The following ANKEF1 variants were observed in gnomAD, a reference collection of about 807,000 sequenced individuals.
ANKEF1 encodes the protein ankyrin repeat and EF-hand domain-containing protein 1.
Under a neutral mutation model 65.1 loss-of-function variants are expected in ANKEF1, and 43 were observed. The ratio of observed to expected loss-of-function variants is 0.66; its 90% CI spans 0.52 to 0.85. The LOEUF (loss-of-function observed/expected upper bound fraction) is 0.85, where lower values mean the gene tolerates loss of function less well. Among genes scored for constraint, ANKEF1 ranks in the 40% least tolerant of loss-of-function variants. The pLI is 0.00. For missense variants in ANKEF1, 934 were observed against 952.9 expected (o/e 0.98, Z 0.26); for synonymous variants, 316 against 341.5 (o/e 0.93, Z 0.82).
In ANKEF1 at chr20:10,057,525, T is replaced by C. The variant is rs1227044412; in HGVS notation, c.*1865T>C. ...ACTTACCACATTTGCTCTATCTCTT[T>C]CTCCCTCTACATATATGCATATGTA... On this transcript the variant is annotated 3_prime_UTR_variant, in exon 11 of 11. Transcript: ENST00000378392. The C allele has an allele frequency of 1.3e-5, 2 of 152,226 alleles. No homozygotes were observed. The highest frequency in any genetic ancestry group is 2.9e-5 in the Non-Finnish European group (2 of 68,044). The allele number at this position is 152,226 out of a possible 1,614,324, so 9.4% of individuals were successfully genotyped here.
intron 4 of ANKEF1, 40 bp downstream of exon 4, chr20:10,043,361 A>G (rs1984312040): frequency 6.4e-7 from 1 of 1,557,290 alleles, no homozygotes; most frequent in Non-Finnish European, 8.8e-7. Flanking sequence ...TCTTGTTTCA[A>G]TTACAGCATA....
chr20:10,046,801 A>C (rs1363295840), intron 6 of ANKEF1, among the ~76,000 whole-genome samples: 1 of 152,228 alleles, frequency 6.6e-6, no homozygotes, highest in African/African-American at 2.4e-5. Flanking sequence ...CAGACACAAA[A>C]TTTTAGAAGT....
Position 10,038,379 on chromosome 20 carries a change from G to A in ANKEF1, c.78G>A (p.Lys26=). The A allele has an allele frequency of 2.5e-6, 4 of 1,613,648 alleles. No individual in the cohort carries two copies. The highest frequency in any genetic ancestry group is 3.4e-6 in the Non-Finnish European group (4 of 1,179,614). The change falls in exon 3 of 11, where the codon AAG becomes AAA. Residue 26 remains lysine (K), a synonymous_variant. Coordinates refer to ENST00000378392, the MANE Select transcript of ANKEF1 (RefSeq NM_022096.6). ...VLQCVRNKDK[K]QIEKLTKLGY... is the part of the protein sequence containing the mutation. ...AATGTGTGCGGAACAAAGACAAGAA[G>A]CAGATAGAGAAGCTGACCAAGCTTG...
intron 3 of ANKEF1, among the ~76,000 whole-genome samples, chr20:10,038,984 G>A (rs6087110): frequency 0.18 from 26,671 of 152,034 alleles, 2,522 homozygotes; most frequent in East Asian, 0.27. Flanking sequence ...ATGAAGTAGA[G>A]CATTTCTTAT....
At chr20:10,043,850 A>G (rs1984350212) in intron 4 of ANKEF1, among the ~76,000 whole-genome samples, 1 of 151,414 alleles carries the variant, frequency 6.6e-6, no homozygotes, top group Admixed American at 6.6e-5. Context: ...TTTAGTAGAG[A>G]CAGGGTTTTA....
At chr20:10,053,943 G>T (rs1985007980) in intron 9 of ANKEF1, among the ~76,000 whole-genome samples, 1 of 152,156 alleles carries the variant, frequency 6.6e-6, no homozygotes, top group Non-Finnish European at 1.5e-5. Context: ...ACCCCTAAGT[G>T]TGTCTCTAGA....
In ANKEF1 at chr20:10,055,697, G is replaced by A; in HGVS notation, c.*37G>A. 1 of 1,608,674 alleles carries A rather than the reference G, an allele frequency of 6.2e-7. No homozygotes were observed. Among genetic ancestry groups the A allele is most frequent in the Non-Finnish European group, 8.5e-7 (1 of 1,175,618 alleles). The stretch of plus-strand genomic sequence containing the variant: ...TATTTCTTGGGGTAAATGCTTTGAG[G>A]CCCAGGGACCAATCTTTGGAGAAAG... On this transcript the variant is annotated 3_prime_UTR_variant, in exon 11 of 11. Transcript: ENST00000378392.
chr20:10,049,255 A>G lies in ANKEF1; in HGVS notation c.821-135A>G, dbSNP rs576406250. On this transcript the variant is annotated intron_variant, in intron 6 of 10. Transcript: ENST00000378392. ...GTAATTATAACAGCAAAATGTGCACATCTCTATATACATATAATTTGGGGA... is the reference window on the plus strand; with the variant it reads ...GTAATTATAACAGCAAAATGTGCACGTCTCTATATACATATAATTTGGGGA... The G allele has an allele frequency of 8.7e-6, 7 of 805,634 alleles. No individual in the cohort carries two copies. The South Asian group carries it at 1.0e-4, about 12-fold the overall frequency. The allele number at this position is 805,634 out of a possible 1,614,324, so 49.9% of individuals were successfully genotyped here. A position where few individuals can be genotyped will look rare whatever the true frequency, so the allele number is the denominator to read the frequency against.
In ANKEF1 at chr20:10,043,454, G is replaced by C. The variant is rs1568511448; in HGVS notation, c.546+133G>C. ...TTTTGATTCAAAATGCTTGAAGATG[G>C]TATACGTTTATTATCTTCATATTGC... On this transcript the variant is annotated intron_variant, in intron 4 of 10. Transcript: ENST00000378392. The C allele has an allele frequency of 3.8e-6, 3 of 794,380 alleles. No homozygotes were observed. In the East Asian group the frequency reaches 8.1e-5, roughly 21 times the overall value. The allele number at this position is 794,380 out of a possible 1,614,324, so 49.2% of individuals were successfully genotyped here.
chr20:10,051,970 CG>C, intron 8 of ANKEF1, 81 bp downstream of exon 8: 1 of 1,106,256 alleles, frequency 9.0e-7, no homozygotes, highest in Non-Finnish European at 1.3e-6. Flanking sequence ...ATTCTATTCT[CG>C]TAGGCTTGCA....
chr20:10,042,977 C>T, intron 3 of ANKEF1, 145 bp from the exon 4 acceptor site: 2 of 733,130 alleles, frequency 2.7e-6, no homozygotes, highest in Admixed American at 3.0e-5. Context: ...TGTTTTCTGT[C>T]TTGGTGTTTT....
At chr20:10,042,974 T>A in intron 3 of ANKEF1, 148 bp from the exon 4 acceptor site, 1 of 721,694 alleles carries the variant, frequency 1.4e-6, no homozygotes, top group Non-Finnish European at 2.2e-6. Flanking sequence ...TTTTGTTTTC[T>A]GTCTTGGTGT....
rs1055748603 is a variant in ANKEF1, at chr20:10,044,501, G to T, written c.654G>T (p.Arg218Ser). ...AAGTGAATGCATTTGACAACGACAG[G>T]CATCACGCTGCTCATTTTGCTGCTA... ...GGEVNAFDND[R>S]HHAAHFAAKG... is the part of the protein sequence containing the mutation. The change falls in exon 5 of 11, where the codon AGG becomes AGT. Residue 218 changes from arginine to serine, a missense_variant. Physicochemically the swap from Arg to Ser is moderately radical, Grantham distance 110. Coordinates refer to ENST00000378392, the MANE Select transcript of ANKEF1 (RefSeq NM_022096.6). The T allele has an allele frequency of 1.2e-6, 2 of 1,613,962 alleles. No individual in the cohort carries two copies. Among genetic ancestry groups the T allele is most frequent in the African/African-American group, 2.7e-5 (2 of 74,898 alleles).
chr20:10,054,678 T>C, intron 10 of ANKEF1, 79 bp downstream of exon 10: 1 of 1,383,384 alleles, frequency 7.2e-7, no homozygotes, highest in South Asian at 1.3e-5. Flanking sequence ...ATGTAGAATA[T>C]CCAAACAAAT....
intron 9 of ANKEF1, among the ~76,000 whole-genome samples, chr20:10,053,619 A>C (rs1012390193): frequency 6.6e-6 from 1 of 152,144 alleles, no homozygotes; most frequent in Non-Finnish European, 1.5e-5. Flanking sequence ...CCAAATAGGG[A>C]AGGAGATTAA....
intron 8 of ANKEF1, 90 bp from the exon 9 acceptor site, chr20:10,053,022 G>A: frequency 7.4e-7 from 1 of 1,352,910 alleles, no homozygotes; most frequent in Non-Finnish European, 1.0e-6. Flanking sequence ...ATTAGGGCAG[G>A]CTTAGAGCTG....
chr20:10,054,881 T>A (rs1985058212), intron 10 of ANKEF1, among the ~76,000 whole-genome samples: 1 of 152,170 alleles, frequency 6.6e-6, no homozygotes, highest in African/African-American at 2.4e-5. Flanking sequence ...TGCAGCTGTT[T>A]AATCACTAAC....
In ANKEF1 at chr20:10,049,995, C is replaced by T; in HGVS notation, c.1426C>T (p.His476Tyr). Residue 476 changes from histidine to tyrosine, a missense_variant, in exon 7 of 11, where the codon CAT becomes TAT. His to Tyr is a moderately conservative substitution (Grantham distance 83, BLOSUM62 2). Transcript: ENST00000378392. ...GTTTAATAGAGATCATCCCCCAGAACATCCCATTCAGGATGACTCTGTTTG... is the reference window on the plus strand; with the variant it reads ...GTTTAATAGAGATCATCCCCCAGAATATCCCATTCAGGATGACTCTGTTTG... ...SRFNRDHPPE[H>Y]PIQDDSVWYI... 6.2e-7 allele frequency: 1 copy of T among 1,614,178 alleles called. No individual in the cohort carries two copies. The highest frequency in any genetic ancestry group is 8.5e-7 in the Non-Finnish European group (1 of 1,180,014).
rs1010745657 is a variant in ANKEF1 at position 10,035,347 on chromosome 20, A to G, written c.-109+14A>G. 2.6e-5 allele frequency: 4 copies of G among 152,268 alleles called. No homozygotes were observed. The highest frequency in any genetic ancestry group is 4.4e-5 in the Non-Finnish European group (3 of 68,106). 9.4% of individuals were successfully genotyped at this position (152,268 alleles called of 1,614,324 possible). A position where few individuals can be genotyped will look rare whatever the true frequency, so the allele number is the denominator to read the frequency against. On this transcript the variant is annotated intron_variant, in intron 1 of 10. Coordinates refer to ENST00000378392, the MANE Select transcript of ANKEF1 (RefSeq NM_022096.6). Reference sequence around the variant, plus strand: ...GAAGACTAAGAGGTGAGCATGACACATGGCTTTTCCTTTGACGTTACATCT... The same window carrying G: ...GAAGACTAAGAGGTGAGCATGACACGTGGCTTTTCCTTTGACGTTACATCT...
Sources: gnomAD v4.1 joint callset for allele counts (sites outside exome capture counted in the v4.1 genomes callset) on GRCh38, gnomAD v4.1.1 for gene constraint, MANE v1.5 for transcripts, NCBI Gene and HGNC (gene_info 2026-07-23, HGNC 2026-07-21) for gene names.